Variants in ASTN2 observed in about 807,000 individuals in gnomAD.
ASTN2 encodes the protein astrotactin-2.
Under a neutral mutation model 139.8 loss-of-function variants are expected in ASTN2, and 54 were observed. The ratio of observed to expected loss-of-function variants is 0.39; its 90% confidence interval spans 0.31 to 0.48. The LOEUF is 0.48. Among genes scored for constraint, ASTN2 ranks in the 20% least tolerant of loss-of-function variants. The pLI is 0.95. For synonymous variants in ASTN2, 756 were observed against 719.5 expected (o/e 1.05, Z -0.81); for missense variants, 1,565 against 1,725.1 (o/e 0.91, Z 1.64).
intron 1 of ASTN2, among the ~76,000 whole-genome samples, chr9:117,379,155 G>A (rs1350160818): frequency 6.6e-6 from 1 of 152,132 alleles, no homozygotes; most frequent in South Asian, 2.1e-4. Context: ...CAGCCTTTGG[G>A]GTACTTCTTT....
intron 19 of ASTN2, among the ~76,000 whole-genome samples, chr9:116,505,884 A>G (rs937136712): frequency 6.6e-6 from 1 of 152,168 alleles, no homozygotes; most frequent in African/African-American, 2.4e-5. Context: ...ACATTCAGCT[A>G]GCCACATGGT....
At chr9:116,637,098 A>G (rs1240130566) in intron 17 of ASTN2, among the ~76,000 whole-genome samples, 1 of 152,178 alleles carries the variant, frequency 6.6e-6, no homozygotes, top group East Asian at 1.9e-4. Context: ...CCCAGCCTCC[A>G]GAACCATGAG....
At chr9:116,551,762 T>G (rs1852356407) in intron 19 of ASTN2, among the ~76,000 whole-genome samples, 1 of 152,176 alleles carries the variant, frequency 6.6e-6, no homozygotes, top group Non-Finnish European at 1.5e-5. Context: ...AGTTTAGTCT[T>G]CATTTCTCCC....
intron 11 of ASTN2, among the ~76,000 whole-genome samples, chr9:116,854,467 T>G (rs7018603): frequency 0.026 from 3,904 of 152,228 alleles, 187 homozygotes; most frequent in African/African-American, 0.09. Context: ...GGTAAGATTT[T>G]GGCCCAGGTT....
chr9:116,761,091 C>A (rs1829661745), intron 13 of ASTN2, among the ~76,000 whole-genome samples: 1 of 152,210 alleles, frequency 6.6e-6, no homozygotes, highest in African/African-American at 2.4e-5. Context: ...CCCCTCATAT[C>A]TGCTGTTCAT....
intron 10 of ASTN2, among the ~76,000 whole-genome samples, chr9:116,933,154 T>A (rs190987145): frequency 6.6e-6 from 1 of 152,036 alleles, no homozygotes; most frequent in African/African-American, 2.4e-5. Context: ...ATCCTAAGAG[T>A]TAGCTGTACT....
chr9:117,276,247 A>C (rs1002347491), intron 2 of ASTN2, among the ~76,000 whole-genome samples: 102 of 152,332 alleles, frequency 6.7e-4, no homozygotes, highest in African/African-American at 2.3e-3. Flanking sequence ...ACATTTGAGG[A>C]AACCAAGGCT....
chr9:116,618,190 G>A lies in ASTN2; in HGVS notation c.3355+134C>T, dbSNP rs549809715. 9.5e-5 allele frequency: 95 copies of A among 999,890 alleles called. 1 individual carries two copies. The highest frequency in any genetic ancestry group is 3.7e-4 in the South Asian group (18 of 48,806). 61.9% of individuals were successfully genotyped at this position (999,890 alleles called of 1,614,324 possible). A position where few individuals can be genotyped will look rare whatever the true frequency, so the allele number is the denominator to read the frequency against. ...AAAACAGCACACAAGGATGGACAGC[G>A]AAAAATCACTAAACAATGAAATCTT... is the stretch of plus-strand genomic sequence containing the variant. On this transcript the variant is annotated intron_variant, in intron 19 of 22. Transcript: ENST00000313400.
chr9:116,441,915 A>T (rs1439383045), intron 21 of ASTN2, among the ~76,000 whole-genome samples: 1 of 152,214 alleles, frequency 6.6e-6, no homozygotes, highest in East Asian at 1.9e-4. Flanking sequence ...GAGCAGCAAA[A>T]ACATTTAATC....
intron 2 of ASTN2, among the ~76,000 whole-genome samples, chr9:117,269,558 G>A (rs893981166): frequency 1.3e-5 from 2 of 152,154 alleles, no homozygotes; most frequent in African/African-American, 4.8e-5. Context: ...AAGGAAACAT[G>A]GGCCTTATTT....
intron 17 of ASTN2, among the ~76,000 whole-genome samples, chr9:116,644,490 G>C (rs1857494528): frequency 1.3e-5 from 2 of 152,152 alleles, no homozygotes; most frequent in Non-Finnish European, 2.9e-5. Context: ...TCCCAGATGA[G>C]AAAACTGAGC....
chr9:116,505,926 A>G (rs533931717), intron 19 of ASTN2, among the ~76,000 whole-genome samples: 48 of 152,270 alleles, frequency 3.2e-4, no homozygotes, highest in African/African-American at 1.1e-3. Flanking sequence ...TCTCTGCTCA[A>G]ACATCACACC....
chr9:116,879,194 C>T (rs1833384544), intron 10 of ASTN2, among the ~76,000 whole-genome samples: 1 of 152,116 alleles, frequency 6.6e-6, no homozygotes. Context: ...TCAGATTCTA[C>T]ATTTCTACAA....
intron 16 of ASTN2, among the ~76,000 whole-genome samples, chr9:116,659,671 C>T (rs1588152935): frequency 6.6e-6 from 1 of 152,198 alleles, no homozygotes; most frequent in South Asian, 2.1e-4. Context: ...CCATTACCTC[C>T]CACCCCCAGG....
At chr9:116,805,577 C>A in intron 13 of ASTN2, 55 bp downstream of exon 13, 11 of 1,554,262 alleles carry the variant, frequency 7.1e-6, no homozygotes, top group Non-Finnish European at 8.8e-6. Flanking sequence ...CCTCCCTGTG[C>A]CCAGGTTGTT....
At chr9:116,812,128 G>A (rs62575388) in intron 12 of ASTN2, among the ~76,000 whole-genome samples, 9 of 152,112 alleles carry the variant, frequency 5.9e-5, no homozygotes, top group Admixed American at 4.6e-4. Flanking sequence ...CCACATTCAG[G>A]ATCCCAAAGT....
intron 19 of ASTN2, among the ~76,000 whole-genome samples, chr9:116,605,501 AC>A (rs1471968379): frequency 6.6e-6 from 1 of 152,106 alleles, no homozygotes; most frequent in African/African-American, 2.4e-5. Context: ...TGAGAATATC[AC>A]CAGACAGAAA....
intron 1 of ASTN2, among the ~76,000 whole-genome samples, chr9:117,392,347 TA>T (rs1216971791): frequency 6.6e-6 from 1 of 152,214 alleles, no homozygotes; most frequent in African/African-American, 2.4e-5. Flanking sequence ...ATCCAAGGAT[TA>T]CAAGAGATAC....
chr9:116,565,245 C>T (rs1472873782), intron 19 of ASTN2, among the ~76,000 whole-genome samples: 2 of 125,018 alleles, frequency 1.6e-5, no homozygotes, highest in African/African-American at 5.5e-5. Flanking sequence ...CACACACACA[C>T]ACACACACAC....
Sources: allele counts gnomAD v4.1 joint callset (sites outside exome capture counted in the v4.1 genomes callset), GRCh38; gene constraint gnomAD v4.1.1; transcripts MANE v1.5; gene names NCBI Gene and HGNC (gene_info 2026-07-23, HGNC 2026-07-21).